Variants in PCDHGA3 observed in about 807,000 individuals in gnomAD.
PCDHGA3 encodes the protein protocadherin gamma subfamily A, 3.
A neutral mutation model predicts 58.5 loss-of-function variants in PCDHGA3; 40 were observed. The observed-to-expected ratio is 0.68, with a 90% CI of 0.53 to 0.89. The LOEUF (loss-of-function observed/expected upper bound fraction) is 0.89. Ranked by LOEUF, PCDHGA3 falls within the 40% of genes least tolerant of loss-of-function variation. PCDHGA3 has a pLI of 0.00. For missense variants in PCDHGA3, 1,223 were observed against 1,195.9 expected, an observed-to-expected ratio of 1.02 and a Z score of -0.33; for synonymous variants, 530 against 525.7, an observed-to-expected ratio of 1.01 and a Z score of -0.11.
intron 1 of PCDHGA3, chr5:141,415,071 G>T: frequency 6.2e-7 from 1 of 1,613,422 alleles, no homozygotes; most frequent in East Asian, 2.2e-5. Flanking sequence ...AGGTGCGCAC[G>T]GCGCGAGCCC....
intron 1 of PCDHGA3, among the ~76,000 whole-genome samples, chr5:141,448,451 C>T (rs1261733103): frequency 6.6e-6 from 1 of 152,032 alleles, no homozygotes; most frequent in Admixed American, 6.6e-5. Context: ...GACTTCCATC[C>T]CTATCCTACT....
intron 1 of PCDHGA3, among the ~76,000 whole-genome samples, chr5:141,481,193 A>G (rs749746998): frequency 1.3e-5 from 2 of 152,216 alleles, no homozygotes; most frequent in Admixed American, 6.5e-5. Context: ...GCCAGGCCCA[A>G]TTTTTTTAAA....
intron 1 of PCDHGA3, chr5:141,376,312 G>A (rs984837472): frequency 6.2e-7 from 1 of 1,614,060 alleles, no homozygotes; most frequent in African/African-American, 1.3e-5. Flanking sequence ...TTGTGGGCGT[G>A]GAAGGGGTTC....
intron 1 of PCDHGA3, among the ~76,000 whole-genome samples, chr5:141,347,760 T>C (rs1758011883): frequency 1.4e-5 from 2 of 147,558 alleles, no homozygotes; most frequent in Non-Finnish European, 3.0e-5. Context: ...GCACTCCAGC[T>C]GGGGCAATAG....
chr5:141,384,528 C>A (rs1443944722), intron 1 of PCDHGA3: 2 of 1,614,136 alleles, frequency 1.2e-6, no homozygotes, highest in Admixed American at 3.3e-5. Flanking sequence ...CGCCTCTCAG[C>A]AGCAACATGT....
chr5:141,410,329 G>T, intron 1 of PCDHGA3: 1 of 1,613,982 alleles, frequency 6.2e-7, no homozygotes, highest in African/African-American at 1.3e-5. Context: ...CCGTGATTCT[G>T]GCCATTGCCT....
At chr5:141,471,111 C>T (rs529680278) in intron 1 of PCDHGA3, among the ~76,000 whole-genome samples, 1 of 146,150 alleles carries the variant, frequency 6.8e-6, no homozygotes, top group African/African-American at 2.6e-5. Flanking sequence ...TGCAGTGGTG[C>T]GATCTTACCT....
At chr5:141,352,497 A>T in intron 1 of PCDHGA3, 2 of 1,614,028 alleles carry the variant, frequency 1.2e-6, no homozygotes, top group Non-Finnish European at 1.7e-6. Context: ...ACTTTGCCCT[A>T]TTCCTACAAT....
At chr5:141,402,947 G>A in intron 1 of PCDHGA3, 1 of 1,592,724 alleles carries the variant, frequency 6.3e-7, no homozygotes, top group South Asian at 1.1e-5. Flanking sequence ...CCAAAGCGAG[G>A]CAGCAATGGC....
At chr5:141,361,800 C>A in intron 1 of PCDHGA3, 1 of 1,613,196 alleles carries the variant, frequency 6.2e-7, no homozygotes, top group Non-Finnish European at 8.5e-7. Flanking sequence ...TGGGCGACCT[C>A]AATGACAATG....
At chr5:141,415,397 G>T (rs1168654728) in intron 1 of PCDHGA3, 1 of 1,614,124 alleles carries the variant, frequency 6.2e-7, no homozygotes, top group African/African-American at 1.3e-5. Context: ...GGTGTGTCCG[G>T]CTCGCACTTT....
chr5:141,466,989 G>C, intron 1 of PCDHGA3, among the ~76,000 whole-genome samples: 1 of 150,922 alleles, frequency 6.6e-6, no homozygotes. Context: ...TTTACCTTTT[G>C]GCATTTTTTT....
chr5:141,383,736 T>C (rs1388139242), intron 1 of PCDHGA3: 1 of 1,614,002 alleles, frequency 6.2e-7, no homozygotes, highest in Non-Finnish European at 8.5e-7. Context: ...AAGTGACATA[T>C]TCTTTTCGGA....
rs187713374 is a variant in PCDHGA3, at chr5:141,430,744, C to G, written c.2425-64063C>G. 2.5e-4 allele frequency: 380 copies of G among 1,498,404 alleles called. 1 individual carries two copies. In the African/African-American group the frequency reaches 4.6e-3, roughly 18 times the overall value. The allele number at this position is 1,498,404 out of a possible 1,614,324, so 92.8% of individuals were successfully genotyped here. A position where few individuals can be genotyped will look rare whatever the true frequency, so the allele number is the denominator to read the frequency against. ...GTTAAGGGCAGAATTGAAAATAATTCTGGAGGAAGATAAGAATGATTCCTG... is the reference window on the plus strand; with the variant it reads ...GTTAAGGGCAGAATTGAAAATAATTGTGGAGGAAGATAAGAATGATTCCTG... On this transcript the variant is annotated intron_variant, in intron 1 of 3. Coordinates refer to ENST00000253812, the MANE Select transcript of PCDHGA3 (RefSeq NM_018916.4).
intron 1 of PCDHGA3, chr5:141,377,947 G>A (rs1280441389): frequency 1.3e-5 from 2 of 152,286 alleles, no homozygotes; most frequent in Middle Eastern, 3.4e-3. Flanking sequence ...TATAGAGTGT[G>A]TATCCAGGGC....
intron 1 of PCDHGA3, chr5:141,395,467 C>T (rs2093236177): frequency 1.8e-6 from 1 of 566,628 alleles, no homozygotes; most frequent in Non-Finnish European, 3.0e-6. Context: ...TTTAAGCCTT[C>T]CAGTATTTTA....
chr5:141,344,270 G>C lies in PCDHGA3; in HGVS notation c.237G>C (p.Pro79=). The C allele has an allele frequency of 1.2e-6, 2 of 1,614,078 alleles. No individual in the cohort carries two copies. The highest frequency in any genetic ancestry group is 1.7e-6 in the Non-Finnish European group (2 of 1,179,928). Residue 79 remains proline (P), a synonymous_variant, in exon 1 of 4, where the codon CCG becomes CCC. Coordinates refer to ENST00000253812, the MANE Select transcript of PCDHGA3 (RefSeq NM_018916.4). Reference sequence around the variant, plus strand: ...GGACGCAGCTTTTCTCTCTGAATCCGCAAAGCGGCAGCTTGGTCACCGCGG... The same window carrying C: ...GGACGCAGCTTTTCTCTCTGAATCCCCAAAGCGGCAGCTTGGTCACCGCGG... ...RGRTQLFSLN[P]QSGSLVTAER...
chr5:141,500,062 TAA>T (rs1314388217), intron 2 of PCDHGA3, among the ~76,000 whole-genome samples: 1 of 152,144 alleles, frequency 6.6e-6, no homozygotes, highest in East Asian at 1.9e-4. Flanking sequence ...TCTTTTAATG[TAA>T]AAGACTTCCC....
At chr5:141,426,986 C>A (rs764345099) in intron 1 of PCDHGA3, 6 of 456,618 alleles carry the variant, frequency 1.3e-5, no homozygotes, top group Non-Finnish European at 2.2e-5. Flanking sequence ...CTGATGCCAA[C>A]GATAATGCCC....
Sources: gnomAD v4.1 joint callset for allele counts (sites outside exome capture counted in the v4.1 genomes callset) on GRCh38, gnomAD v4.1.1 for gene constraint, MANE v1.5 for transcripts, NCBI Gene and HGNC (gene_info 2026-07-23, HGNC 2026-07-21) for gene names.